Variants in CSMD3 observed in about 807,000 individuals in gnomAD.
CSMD3 encodes the protein CUB and sushi domain-containing protein 3.
Under a neutral mutation model 435.2 loss-of-function variants are expected in CSMD3, and 177 were observed. The ratio of observed to expected loss-of-function variants is 0.41; its 90% CI spans 0.36 to 0.46. The LOEUF (loss-of-function observed/expected upper bound fraction) is 0.46, where lower values mean the gene tolerates loss of function less well. Among genes scored for constraint, CSMD3 ranks in the 20% least tolerant of loss-of-function variants. The pLI is 0.34. For synonymous variants in CSMD3, 1,656 were observed against 1,520.5 expected, an observed-to-expected ratio of 1.09 and a Z score of -2.07; for missense variants, 4,265 against 4,504.6, an observed-to-expected ratio of 0.95 and a Z score of 1.52.
chr8:112,307,526 A>C (rs1003557974), intron 50 of CSMD3, among the ~76,000 whole-genome samples: 3 of 152,054 alleles, frequency 2.0e-5, no homozygotes, highest in African/African-American at 7.2e-5. Context: ...CAAGCAGTCC[A>C]GTGGCCTCTA....
intron 53 of CSMD3, among the ~76,000 whole-genome samples, chr8:112,297,626 A>G (rs1746419668): frequency 6.6e-6 from 1 of 152,198 alleles, no homozygotes; most frequent in Non-Finnish European, 1.5e-5. Context: ...ATACATTAAT[A>G]CAAAGAAGAA....
At chr8:112,793,252 A>G (rs566459098) in intron 13 of CSMD3, among the ~76,000 whole-genome samples, 59 of 149,004 alleles carry the variant, frequency 4.0e-4, no homozygotes, top group African/African-American at 1.4e-3. Flanking sequence ...GTGCTAAGAT[A>G]AAGAAATTTG....
At chr8:112,978,434 A>G (rs527369487) in intron 6 of CSMD3, among the ~76,000 whole-genome samples, 9 of 151,908 alleles carry the variant, frequency 5.9e-5, no homozygotes, top group African/African-American at 1.9e-4. Flanking sequence ...CAATCCAAAC[A>G]CTCACTTTCT....
chr8:113,158,485 T>C (rs541275507), intron 4 of CSMD3, among the ~76,000 whole-genome samples: 42 of 152,156 alleles, frequency 2.8e-4, no homozygotes, highest in Admixed American at 2.1e-3. Flanking sequence ...ATCACTTGAA[T>C]TGACTCTGTC....
At chr8:112,436,991 T>C (rs930512636) in intron 32 of CSMD3, among the ~76,000 whole-genome samples, 8 of 152,050 alleles carry the variant, frequency 5.3e-5, no homozygotes, top group Admixed American at 2.0e-4. Flanking sequence ...TTATCCAATG[T>C]GGACTTTAAA....
rs138068753 is a variant in CSMD3, at chr8:112,431,494, T to A, written c.5396-22462A>T. Among the ~76,000 whole-genome samples the A allele has an allele frequency of 3.4e-4, 52 of 152,216 alleles. No homozygotes were observed. The Middle Eastern group carries it at 0.014, about 40-fold the overall frequency. ...ACTAAAAGTTGCAGATTGCTAGTAA[T>A]GACTTAGAGAAAAGGGCAATAGGAA... is the stretch of plus-strand genomic sequence containing the variant. On this transcript the variant is annotated intron_variant, in intron 32 of 70. Transcript: ENST00000297405.
intron 38 of CSMD3, among the ~76,000 whole-genome samples, chr8:112,361,568 CATACATATAT>C (rs1827211673): frequency 2.8e-5 from 1 of 35,594 alleles, no homozygotes; most frequent in African/African-American, 1.2e-4. Context: ...TATATATACA[CATACATATAT>C]ATATATATAT....
chr8:112,410,714 A>ATGTATATATATATGTGTATATATATATG (rs1554670802), intron 32 of CSMD3, among the ~76,000 whole-genome samples: 1,094 of 105,476 alleles, frequency 0.01, 40 homozygotes, highest in Middle Eastern at 0.026. Context: ...ATATATATAT[A>ATGTATATATATATGTGTATATATATATG]TGTATATATA....
At chr8:113,250,516 A>G (rs1047998977) in intron 3 of CSMD3, among the ~76,000 whole-genome samples, 2 of 152,148 alleles carry the variant, frequency 1.3e-5, no homozygotes, top group Non-Finnish European at 2.9e-5. Flanking sequence ...ATGCTTCAAT[A>G]TTGATTGTAG....
intron 1 of CSMD3, among the ~76,000 whole-genome samples, chr8:113,391,671 A>T (rs2094461685): frequency 6.6e-6 from 1 of 152,044 alleles, no homozygotes; most frequent in Admixed American, 6.6e-5. Flanking sequence ...CAGATGTGAG[A>T]ATGAATAGAG....
chr8:113,136,057 A>G (rs776598372), intron 4 of CSMD3, among the ~76,000 whole-genome samples: 18 of 151,954 alleles, frequency 1.2e-4, no homozygotes, highest in Non-Finnish European at 2.2e-4. Flanking sequence ...AAGACATAGT[A>G]TGGGAGAAAG....
intron 18 of CSMD3, among the ~76,000 whole-genome samples, chr8:112,651,217 T>G (rs1392518889): frequency 6.6e-6 from 1 of 152,230 alleles, no homozygotes; most frequent in Non-Finnish European, 1.5e-5. Flanking sequence ...ATAACTACTA[T>G]TTCTATATTC....
chr8:112,564,446 G>A (rs1333908491), intron 24 of CSMD3, among the ~76,000 whole-genome samples: 4 of 149,814 alleles, frequency 2.7e-5, no homozygotes, highest in South Asian at 2.1e-4. Context: ...GGACTTGGTC[G>A]GGAAAACAGA....
intron 15 of CSMD3, among the ~76,000 whole-genome samples, chr8:112,685,146 T>G (rs970327061): frequency 6.6e-6 from 1 of 152,150 alleles, no homozygotes; most frequent in African/African-American, 2.4e-5. Context: ...ATTATAAATA[T>G]ATTGGCTTAC....
chr8:112,535,876 C>G (rs1239953861), intron 27 of CSMD3, among the ~76,000 whole-genome samples: 4 of 152,106 alleles, frequency 2.6e-5, no homozygotes, highest in Non-Finnish European at 5.9e-5. Flanking sequence ...CACATACCTA[C>G]AACTATCTGA....
intron 1 of CSMD3, among the ~76,000 whole-genome samples, chr8:113,342,895 A>C (rs905230636): frequency 6.6e-6 from 1 of 151,996 alleles, no homozygotes; most frequent in Non-Finnish European, 1.5e-5. Context: ...TGATGAATCA[A>C]CATTTATGAG....
chr8:113,136,140 G>A (rs749579290), intron 4 of CSMD3, among the ~76,000 whole-genome samples: 1 of 151,744 alleles, frequency 6.6e-6, no homozygotes, highest in Non-Finnish European at 1.5e-5. Context: ...GGAAAACAAG[G>A]AATGGTCAAG....
chr8:113,075,039 A>G (rs2089281912), intron 5 of CSMD3, among the ~76,000 whole-genome samples: 1 of 151,822 alleles, frequency 6.6e-6, no homozygotes, highest in Admixed American at 6.6e-5. Context: ...TTTCATGGCT[A>G]AAATGATCAA....
At chr8:113,053,470 G>A (rs892316459) in intron 5 of CSMD3, among the ~76,000 whole-genome samples, 6 of 152,098 alleles carry the variant, frequency 3.9e-5, no homozygotes, top group African/African-American at 1.4e-4. Context: ...TGCATGTGGA[G>A]TTAAATACCT....
Sources: gnomAD v4.1 joint callset for allele counts (sites outside exome capture counted in the v4.1 genomes callset) on GRCh38, gnomAD v4.1.1 for gene constraint, MANE v1.5 for transcripts, NCBI Gene and HGNC (gene_info 2026-07-23, HGNC 2026-07-21) for gene names.